Variants in RGS7 observed in about 807,000 individuals in gnomAD.
RGS7 encodes regulator of G-protein signaling 7.
A neutral mutation model predicts 81.1 loss-of-function variants in RGS7; 27 were observed. That is an observed-to-expected ratio of 0.33 (90% CI 0.25 to 0.46). The LOEUF is 0.46. RGS7 is among the 20% of genes least tolerant of loss of function. RGS7 has a pLI of 1.00. For synonymous variants in RGS7, 208 were observed against 207.7 expected, an observed-to-expected ratio of 1.00 and a Z score of -0.01; for missense variants, 396 against 607.4, an observed-to-expected ratio of 0.65 and a Z score of 3.66.
At chr1:241,283,012 A>T (rs1320974970) in intron 2 of RGS7, among the ~76,000 whole-genome samples, 1 of 152,176 alleles carries the variant, frequency 6.6e-6, no homozygotes, top group Non-Finnish European at 1.5e-5. Context: ...ACAATCTACT[A>T]GTGTCATCAT....
intron 18 of RGS7, among the ~76,000 whole-genome samples, chr1:240,783,010 T>G (rs1684388392): frequency 6.6e-6 from 1 of 152,144 alleles, no homozygotes; most frequent in African/African-American, 2.4e-5. Context: ...AATATCTGGT[T>G]AATGGAAATA....
chr1:241,265,586 T>C (rs942147901), intron 2 of RGS7, among the ~76,000 whole-genome samples: 2 of 152,080 alleles, frequency 1.3e-5, no homozygotes, highest in Non-Finnish European at 2.9e-5. Flanking sequence ...AAAGTTTACA[T>C]AGGTCAGACA....
intron 10 of RGS7, among the ~76,000 whole-genome samples, chr1:240,825,575 G>A (rs2103186159): frequency 6.6e-6 from 1 of 152,270 alleles, no homozygotes; most frequent in South Asian, 2.1e-4. Flanking sequence ...GTGAGGCCCT[G>A]TCATTCTGTT....
intron 2 of RGS7, among the ~76,000 whole-genome samples, chr1:241,344,468 A>T (rs2082764615): frequency 6.6e-6 from 1 of 152,234 alleles, no homozygotes; most frequent in African/African-American, 2.4e-5. Context: ...TACAAGCTTT[A>T]CATGCACTGT....
intron 3 of RGS7, among the ~76,000 whole-genome samples, chr1:241,053,282 C>G (rs190932654): frequency 6.6e-6 from 1 of 152,266 alleles, no homozygotes; most frequent in Non-Finnish European, 1.5e-5. Flanking sequence ...TTATTCTGAA[C>G]AGACACCCAT....
intron 6 of RGS7, among the ~76,000 whole-genome samples, chr1:240,921,449 G>GA (rs1271944635): frequency 6.6e-6 from 1 of 151,038 alleles, no homozygotes; most frequent in Admixed American, 6.6e-5. Flanking sequence ...ACAAGAAAAA[G>GA]AAAAAAAGGG....
chr1:241,308,089 A>G (rs2148539405), intron 2 of RGS7, among the ~76,000 whole-genome samples: 1 of 151,974 alleles, frequency 6.6e-6, no homozygotes, highest in South Asian at 2.1e-4. Context: ...AATGATCTTT[A>G]TTCTTTTTTA....
At chr1:240,957,396 A>C (rs1455473203) in intron 4 of RGS7, among the ~76,000 whole-genome samples, 4 of 152,180 alleles carry the variant, frequency 2.6e-5, no homozygotes. Flanking sequence ...CGACTGAGCC[A>C]CTACTGGCTT....
At chr1:241,165,474 T>C (rs966876280) in intron 2 of RGS7, among the ~76,000 whole-genome samples, 1 of 152,002 alleles carries the variant, frequency 6.6e-6, no homozygotes, top group East Asian at 1.9e-4. Context: ...GTTCATGTCC[T>C]TTGTAGGGAC....
intron 2 of RGS7, among the ~76,000 whole-genome samples, chr1:241,146,897 A>G (rs1272852954): frequency 6.6e-6 from 1 of 152,152 alleles, no homozygotes; most frequent in Non-Finnish European, 1.5e-5. Context: ...TCTCATTCAT[A>G]AAGGCTCTAC....
chr1:241,189,834 G>T (rs963589871), intron 2 of RGS7, among the ~76,000 whole-genome samples: 3 of 152,164 alleles, frequency 2.0e-5, no homozygotes, highest in Admixed American at 6.5e-5. Context: ...CAATTGGTCA[G>T]GCTGGGCGCG....
chr1:240,956,864 C>G (rs548031359), intron 4 of RGS7, among the ~76,000 whole-genome samples: 1 of 151,196 alleles, frequency 6.6e-6, no homozygotes, highest in Admixed American at 6.6e-5. Context: ...AAAAAAAAAA[C>G]GTTAAACAAA....
At chr1:240,853,125 C>T (rs997953121) in intron 9 of RGS7, among the ~76,000 whole-genome samples, 1 of 152,050 alleles carries the variant, frequency 6.6e-6, no homozygotes, top group African/African-American at 2.4e-5. Context: ...CAACCACATG[C>T]ATGTTTAAAG....
In RGS7 at chr1:241,321,563, C is replaced by T. The variant is rs143504089; in HGVS notation, c.78+34136G>A. On this transcript the variant is annotated intron_variant, in intron 2 of 18. Transcript: ENST00000440928. ...TTAACTATTTCAGCTTCCACATCTT[C>T]CAAACTTCTCTTTCTCAAACCATAG... is the stretch of plus-strand genomic sequence containing the variant. Among the ~76,000 whole-genome samples the T allele has an allele frequency of 3.1e-3, 469 of 152,260 alleles. 12 individuals are homozygous for T. The South Asian group carries it at 0.05, about 16-fold the overall frequency.
chr1:241,332,887 G>A (rs1318053276), intron 2 of RGS7, among the ~76,000 whole-genome samples: 2 of 152,136 alleles, frequency 1.3e-5, no homozygotes, highest in Non-Finnish European at 2.9e-5. Context: ...ACATTGAACA[G>A]GTAATGAACA....
intron 2 of RGS7, among the ~76,000 whole-genome samples, chr1:241,284,336 AG>A (rs2078680363): frequency 6.6e-6 from 1 of 151,940 alleles, no homozygotes; most frequent in Non-Finnish European, 1.5e-5. Flanking sequence ...TACCAGTTGG[AG>A]GTAGAAGTCT....
intron 2 of RGS7, among the ~76,000 whole-genome samples, chr1:241,138,808 C>T (rs1481410307): frequency 6.6e-6 from 1 of 152,036 alleles, no homozygotes; most frequent in Admixed American, 6.6e-5. Flanking sequence ...TGGTTTTCCT[C>T]ATAATATATG....
rs1319582548 is a variant in RGS7, at chr1:240,813,716, G to A, written c.858C>T (p.Tyr286=). ...GGTCGTATTCTAAATACTGTTCCGT[G>A]TAACTTAGTAGACTAAGGAGAAAAA... ...MSKVADSLLS[Y]TEQYLEYDPF... is the part of the protein sequence containing the mutation. The change falls in exon 13 of 19, where the codon TAC becomes TAT. Residue 286 remains tyrosine (Y), a synonymous_variant. Transcript: ENST00000440928. 1.9e-6 allele frequency: 3 copies of A among 1,607,936 alleles called. No homozygotes were observed. In the African/African-American group the frequency reaches 4.0e-5, roughly 21 times the overall value.
chr1:241,205,999 G>GT lies in RGS7; in HGVS notation c.79-107238dup, dbSNP rs111764449. ...ATTTCTAGACAGTAATTTCGTAAGT[G>GT]TTTTTTTTTTTTACATTTATGCCCC... On this transcript the variant is annotated intron_variant, in intron 2 of 18. Coordinates refer to ENST00000440928, the MANE Select transcript of RGS7 (RefSeq NM_001364886.1). Among the ~76,000 whole-genome samples the GT allele has an allele frequency of 2.5e-3, 362 of 144,080 alleles. 2 individuals are homozygous for GT. The highest frequency in any genetic ancestry group is 0.018 in the Middle Eastern group (5 of 272). 94.5% of individuals were successfully genotyped at this position (144,080 alleles called of 152,430 possible).
Sources: gnomAD v4.1 joint callset for allele counts (sites outside exome capture counted in the v4.1 genomes callset) on GRCh38, gnomAD v4.1.1 for gene constraint, MANE v1.5 for transcripts, NCBI Gene and HGNC (gene_info 2026-07-23, HGNC 2026-07-21) for gene names.